ZCCHC2: variants seen among roughly 807,000 people sequenced by gnomAD.
The protein encoded by ZCCHC2 is zinc finger CCHC-type containing 2.
ZCCHC2 carries 39 observed loss-of-function variants against 103.6 expected under a neutral mutation model. That is an observed-to-expected ratio of 0.38 (90% CI 0.29 to 0.49). The LOEUF is 0.49. Among genes scored for constraint, ZCCHC2 ranks in the 20% least tolerant of loss-of-function variants. The pLI is 0.96. For missense variants in ZCCHC2, 1,483 were observed against 1,491.0 expected, an observed-to-expected ratio of 0.99 and a Z score of 0.09; for synonymous variants, 687 against 608.9, an observed-to-expected ratio of 1.13 and a Z score of -1.89.
intron 1 of ZCCHC2, among the ~76,000 whole-genome samples, chr18:62,528,054 T>C (rs1197159709): frequency 1.3e-5 from 2 of 152,230 alleles, no homozygotes; most frequent in South Asian, 2.1e-4. Flanking sequence ...TAGTAGTGGT[T>C]ATTGATTAAT....
intron 14 of ZCCHC2, chr18:62,584,420 C>T (rs1208230699): frequency 1.3e-5 from 2 of 152,080 alleles, no homozygotes; most frequent in Non-Finnish European, 2.9e-5. Context: ...GGTGGTTCTT[C>T]ATTGTTTTTC....
intron 8 of ZCCHC2, among the ~76,000 whole-genome samples, chr18:62,562,638 T>C (rs1201270470): frequency 6.6e-6 from 1 of 152,208 alleles, no homozygotes; most frequent in Admixed American, 6.5e-5. Context: ...TTTCTTTTGG[T>C]TTTTGATCTC....
intron 1 of ZCCHC2, among the ~76,000 whole-genome samples, chr18:62,531,291 G>T (rs1373577599): frequency 6.6e-6 from 1 of 152,184 alleles, no homozygotes; most frequent in Non-Finnish European, 1.5e-5. Flanking sequence ...TATGTTACAG[G>T]TGTAGCCTGG....
At chr18:62,558,014 G>T (rs1598952419) in intron 6 of ZCCHC2, among the ~76,000 whole-genome samples, 2 of 142,972 alleles carry the variant, frequency 1.4e-5, no homozygotes, top group South Asian at 2.3e-4. Flanking sequence ...TGCATACACT[G>T]TTGGGTTTTT....
chr18:62,586,182 TC>T (rs1917166951), exon 15 of ZCCHC2: 1 of 152,052 alleles, frequency 6.6e-6, no homozygotes. Flanking sequence ...TCTCAAAAGT[TC>T]CTTTCAGTTC....
chr18:62,533,872 C>CA (rs35039729), intron 1 of ZCCHC2, among the ~76,000 whole-genome samples: 16,923 of 99,462 alleles, frequency 0.17, 2,082 homozygotes, highest in African/African-American at 0.31. Context: ...AACTCTGCCT[C>CA]AAAAAAAAAA....
At chr18:62,562,870 T>C in intron 8 of ZCCHC2, 139 bp from the exon 9 acceptor site, 3 of 899,336 alleles carry the variant, frequency 3.3e-6, no homozygotes, top group Non-Finnish European at 5.0e-6. Context: ...AGTATACTTT[T>C]TTTTCTTAGA....
At position 62,577,374 on chromosome 18, in the gene ZCCHC2, A is replaced by G. The variant is rs1294559038; in HGVS notation, c.*795A>G. 6.6e-6 allele frequency: 1 copy of G among 152,232 alleles called. No homozygotes were observed. The highest frequency in any genetic ancestry group is 1.5e-5 in the Non-Finnish European group (1 of 68,038). 9.4% of individuals were successfully genotyped at this position (152,232 alleles called of 1,614,324 possible). On this transcript the variant is annotated 3_prime_UTR_variant, in exon 14 of 14. Transcript: ENST00000269499. ...TAGCCTGTTGCTTCAGAGAGACACAAAGTGAACACACTGGTGTGAATGTCG... is the reference window on the plus strand; with the variant it reads ...TAGCCTGTTGCTTCAGAGAGACACAGAGTGAACACACTGGTGTGAATGTCG...
chr18:62,575,168 A>G lies in ZCCHC2; in HGVS notation c.3087A>G (p.Leu1029=). The G allele has an allele frequency of 6.2e-7, 1 of 1,614,030 alleles. No homozygotes were observed. Among genetic ancestry groups the G allele is most frequent in the South Asian group, 1.1e-5 (1 of 91,086 alleles). The change falls in exon 13 of 14, where the codon CTA becomes CTG. Residue 1029 remains leucine (L), a synonymous_variant. Transcript: ENST00000269499. ...CSCGTNGNLQ[L]NSYYYPNPMP... is the part of the protein sequence containing the mutation. ...GTGGGACCAATGGAAACCTTCAGCT[A>G]AATAGTTACTATTATCCTAATCCAA...
At chr18:62,585,465 A>T (rs1917145726) in exon 15 of ZCCHC2, 2 of 152,264 alleles carry the variant, frequency 1.3e-5, no homozygotes, top group South Asian at 4.1e-4. Flanking sequence ...CACCCCCAAC[A>T]ACAAGCCCTG....
At chr18:62,560,496 C>T in intron 7 of ZCCHC2, 91 bp from the exon 8 acceptor site, 1 of 983,868 alleles carries the variant, frequency 1.0e-6, no homozygotes, top group Non-Finnish European at 1.6e-6. Flanking sequence ...CATCTGTCAC[C>T]AGTGGTTATG....
At position 62,565,231 on chromosome 18, in the gene ZCCHC2, A is replaced by G. The variant is rs1031327378; in HGVS notation, c.1846+135A>G. Reference sequence around the variant, plus strand: ...TTACCTTGTGTTGATATGTACAGCAATTTCCAAATTAAACAGTTCTGAAAT... The same window carrying G: ...TTACCTTGTGTTGATATGTACAGCAGTTTCCAAATTAAACAGTTCTGAAAT... On this transcript the variant is annotated intron_variant, in intron 11 of 13. Transcript: ENST00000269499. 3.7e-5 allele frequency: 23 copies of G among 619,354 alleles called. No homozygotes were observed. In the South Asian group the frequency reaches 5.1e-4, roughly 14 times the overall value. 38.4% of individuals were successfully genotyped at this position (619,354 alleles called of 1,614,324 possible).
At chr18:62,536,276 C>T (rs924877954) in intron 1 of ZCCHC2, among the ~76,000 whole-genome samples, 47 of 152,264 alleles carry the variant, frequency 3.1e-4, no homozygotes, top group African/African-American at 9.1e-4. Flanking sequence ...CTGCCTCAGG[C>T]GAGTTAAGAA....
chr18:62,528,676 T>C (rs1175214813), intron 1 of ZCCHC2, among the ~76,000 whole-genome samples: 1 of 152,182 alleles, frequency 6.6e-6, no homozygotes, highest in African/African-American at 2.4e-5. Context: ...CCAAGTACTT[T>C]GATTAACTTC....
chr18:62,554,973 C>T (rs1028349975), intron 5 of ZCCHC2, among the ~76,000 whole-genome samples: 11 of 152,206 alleles, frequency 7.2e-5, no homozygotes, highest in Middle Eastern at 3.4e-3. Context: ...AATAATAGGT[C>T]AAAAACCTTG....
In ZCCHC2 at chr18:62,550,331, T is replaced by C; in HGVS notation, c.1201-17T>C. ...GTGAGAAACTTAACATTGGATATTG[T>C]GGTTTTTCTTTTCTAGCTTCCAAAG... On this transcript the variant is annotated splice_polypyrimidine_tract_variant and intron_variant, in intron 4 of 13. Coordinates refer to ENST00000269499, the MANE Select transcript of ZCCHC2 (RefSeq NM_017742.6). 6.4e-7 allele frequency: 1 copy of C among 1,568,924 alleles called. No homozygotes were observed.
rs572827589 is a variant in ZCCHC2, at chr18:62,577,355, G to C, written c.*776G>C. On this transcript the variant is annotated 3_prime_UTR_variant, in exon 14 of 14. Transcript: ENST00000269499. ...TACTTCCATCATCCTTTTTTAGCCT[G>C]TTGCTTCAGAGAGACACAAAGTGAA... is the stretch of plus-strand genomic sequence containing the variant. The C allele has an allele frequency of 2.6e-5, 4 of 152,162 alleles. No individual in the cohort carries two copies. The highest frequency in any genetic ancestry group is 5.9e-5 in the Non-Finnish European group (4 of 68,030). 9.4% of individuals were successfully genotyped at this position (152,162 alleles called of 1,614,324 possible).
intron 12 of ZCCHC2, 43 bp downstream of exon 12, chr18:62,570,274 G>A (rs1250106477): frequency 1.9e-6 from 3 of 1,598,920 alleles, no homozygotes; most frequent in Admixed American, 3.5e-5. Flanking sequence ...TGGCAGGGGT[G>A]GGGAAGTGGA....
At chr18:62,530,729 G>A (rs1253041320) in intron 1 of ZCCHC2, among the ~76,000 whole-genome samples, 5 of 152,168 alleles carry the variant, frequency 3.3e-5, no homozygotes, top group African/African-American at 1.2e-4. Flanking sequence ...GGAATTCTGT[G>A]AGTCACAGAA....
Sources: allele counts gnomAD v4.1 joint callset (sites outside exome capture counted in the v4.1 genomes callset), GRCh38; gene constraint gnomAD v4.1.1; transcripts MANE v1.5; gene names NCBI Gene and HGNC (gene_info 2026-07-23, HGNC 2026-07-21).